SPTAN1: variants seen among roughly 807,000 people sequenced by gnomAD.
SPTAN1 encodes spectrin alpha chain, non-erythrocytic 1.
A neutral mutation model predicts 331.3 loss-of-function variants in SPTAN1; 61 were observed. The ratio of observed to expected loss-of-function variants is 0.18; its 90% CI spans 0.15 to 0.23. SPTAN1 has a LOEUF of 0.23. SPTAN1 is among the 10% of genes least tolerant of loss of function. The pLI is 1.00. For missense variants in SPTAN1, 2,043 were observed against 3,147.9 expected (o/e 0.65, Z 8.40); for synonymous variants, 1,153 against 1,173.9 (o/e 0.98, Z 0.36).
At chr9:128,564,993 G>A (rs1212266973) in intron 1 of SPTAN1, among the ~76,000 whole-genome samples, 1 of 152,136 alleles carries the variant, frequency 6.6e-6, no homozygotes, top group African/African-American at 2.4e-5. Context: ...TCAAGAGGTG[G>A]GTTCTTTCTT....
Position 128,582,519 on chromosome 9 carries a change from A to G in SPTAN1, c.1613A>G (p.His538Arg). ...EFATKLIQNN[H>R]YAMEDVATRR... The stretch of plus-strand genomic sequence containing the variant: ...GCAACCAAGCTAATTCAGAACAACC[A>G]CTATGCAATGGAAGATGTGGCCACT... The change falls in exon 13 of 57, where the codon CAC becomes CGC. Residue 538 changes from histidine (H) to arginine (R), a missense_variant. Physicochemically the swap from His to Arg is conservative, Grantham distance 29. Transcript: ENST00000372739. 6.2e-7 allele frequency: 1 copy of G among 1,614,134 alleles called. No individual in the cohort carries two copies. Among genetic ancestry groups the G allele is most frequent in the Non-Finnish European group, 8.5e-7 (1 of 1,180,036 alleles).
At chr9:128,563,024 A>G (rs1255610613) in intron 1 of SPTAN1, among the ~76,000 whole-genome samples, 120 of 140,594 alleles carry the variant, frequency 8.5e-4, no homozygotes, top group Non-Finnish European at 1.2e-3. Context: ...ATATATATAT[A>G]TATGTATATA....
intron 24 of SPTAN1, among the ~76,000 whole-genome samples, chr9:128,595,033 C>G (rs1854079029): frequency 6.6e-6 from 1 of 151,826 alleles, no homozygotes; most frequent in Non-Finnish European, 1.5e-5. Context: ...TGGTCTCAAA[C>G]TGCTGACCTC....
At chr9:128,618,524 C>A (rs1397930573) in intron 43 of SPTAN1, among the ~76,000 whole-genome samples, 1 of 151,966 alleles carries the variant, frequency 6.6e-6, no homozygotes, top group African/African-American at 2.4e-5. Context: ...CTTGCTGTCA[C>A]CCAGGCTGGA....
chr9:128,574,869 A>T, intron 4 of SPTAN1, 54 bp downstream of exon 4: 2 of 1,612,684 alleles, frequency 1.2e-6, no homozygotes. Flanking sequence ...AAGGGAAGAG[A>T]CTCCTCTGTG....
intron 39 of SPTAN1, 91 bp from the exon 40 acceptor site, chr9:128,613,290 G>A: frequency 1.0e-6 from 1 of 988,114 alleles, no homozygotes; most frequent in Non-Finnish European, 1.6e-6. Context: ...TCCAAGCAAG[G>A]CCCTGGAATA....
Position 128,633,578 on chromosome 9 carries a change from G to A in SPTAN1, c.*244G>A. On this transcript the variant is annotated 3_prime_UTR_variant, in exon 57 of 57. Coordinates refer to ENST00000372739, the MANE Select transcript of SPTAN1 (RefSeq NM_001130438.3). ...ATTCCGACTTCAGAAAATCGAAGCAGCTGGCTCCTCCCCTTGTTCTCTCTC... is the reference window on the plus strand; with the variant it reads ...ATTCCGACTTCAGAAAATCGAAGCAACTGGCTCCTCCCCTTGTTCTCTCTC... The A allele has an allele frequency of 9.3e-7, 1 of 1,080,510 alleles. No homozygotes were observed. The highest frequency in any genetic ancestry group is 1.3e-6 in the Non-Finnish European group (1 of 741,716). The allele number at this position is 1,080,510 out of a possible 1,614,324, so 66.9% of individuals were successfully genotyped here.
chr9:128,591,983 G>T (rs1853601527), intron 22 of SPTAN1, among the ~76,000 whole-genome samples: 1 of 152,150 alleles, frequency 6.6e-6, no homozygotes, highest in African/African-American at 2.4e-5. Flanking sequence ...TTCTCTGTCT[G>T]CCATAGCTTT....
At position 128,633,445 on chromosome 9, in the gene SPTAN1, G is replaced by A; in HGVS notation, c.*111G>A. The stretch of plus-strand genomic sequence containing the variant: ...CTGTAACCTTAAGCCTGCTTAGCTT[G>A]GAATAAGACTTAGGAGAAAATGGTG... On this transcript the variant is annotated 3_prime_UTR_variant, in exon 57 of 57. Transcript: ENST00000372739. 10 of 1,562,410 alleles carry A rather than the reference G, an allele frequency of 6.4e-6. No individual in the cohort carries two copies. The highest frequency in any genetic ancestry group is 1.9e-4 in the Middle Eastern group (1 of 5,388).
intron 31 of SPTAN1, 85 bp downstream of exon 31, chr9:128,605,562 A>G: frequency 6.5e-7 from 1 of 1,534,772 alleles, no homozygotes; most frequent in Non-Finnish European, 8.9e-7. Flanking sequence ...GTACATGCTC[A>G]GCAGGGTACA....
At position 128,627,201 on chromosome 9, in the gene SPTAN1, G is replaced by T; in HGVS notation, c.6577-185G>T. 1 of 654,312 alleles carries T rather than the reference G, an allele frequency of 1.5e-6. No homozygotes were observed. The highest frequency in any genetic ancestry group is 2.8e-6 in the Non-Finnish European group (1 of 361,134). The allele number at this position is 654,312 out of a possible 1,614,324, so 40.5% of individuals were successfully genotyped here. The stretch of plus-strand genomic sequence containing the variant: ...GTCCGCCTCTTCCTTGAAGCCCCTG[G>T]GGGGTGGGAACAGAGAAAGAACTAC... On this transcript the variant is annotated intron_variant, in intron 49 of 56. Transcript: ENST00000372739. The surrounding 1 kb of genome is among the most constrained non-coding windows in gnomAD (Gnocchi z 4.9).
At chr9:128,631,596 C>T in intron 52 of SPTAN1, 1 of 162,922 alleles carries the variant, frequency 6.1e-6, no homozygotes, top group East Asian at 1.8e-4. Flanking sequence ...GAGGCCAAGA[C>T]AGGCAGATCA....
At chr9:128,620,475 G>A (rs927466904) in intron 44 of SPTAN1, among the ~76,000 whole-genome samples, 4 of 152,204 alleles carry the variant, frequency 2.6e-5, no homozygotes, top group African/African-American at 9.6e-5. Context: ...CCAGCACTTT[G>A]GGAGGCCAAG....
chr9:128,559,858 C>T (rs1209221380), intron 1 of SPTAN1, among the ~76,000 whole-genome samples: 2 of 151,492 alleles, frequency 1.3e-5, no homozygotes, highest in Non-Finnish European at 2.9e-5. Context: ...TCTCAGCCTC[C>T]CAGGTAGCTG....
In SPTAN1 at chr9:128,612,150, G is replaced by T; in HGVS notation, c.4947G>T (p.Val1649=). 1 of 1,614,142 alleles carries T rather than the reference G, an allele frequency of 6.2e-7. No individual in the cohort carries two copies. Among genetic ancestry groups the T allele is most frequent in the Non-Finnish European group, 8.5e-7 (1 of 1,180,046 alleles). The change falls in exon 39 of 57, where the codon GTG becomes GTT. Residue 1649 remains valine, a synonymous_variant. Transcript: ENST00000372739. Reference sequence around the variant, plus strand: ...TAGCTGACCAGTGGCAGTTCTTGGTGCAAAAGTCAGCGGAAAAGAGCCAGA... The same window carrying T: ...TAGCTGACCAGTGGCAGTTCTTGGTTCAAAAGTCAGCGGAAAAGAGCCAGA... ...AALADQWQFL[V]QKSAEKSQKL... is the part of the protein sequence containing the mutation.
chr9:128,628,170 C>T (rs1859084311), intron 51 of SPTAN1: 2 of 706,100 alleles, frequency 2.8e-6, no homozygotes, highest in Admixed American at 4.0e-5. Context: ...CCGTCCTTGC[C>T]TCACTGGGCG....
intron 40 of SPTAN1, 126 bp from the exon 41 acceptor site, chr9:128,615,506 G>T (rs1001284790): frequency 2.2e-6 from 2 of 894,854 alleles, no homozygotes; most frequent in South Asian, 1.4e-5. Context: ...GAATGCCAGA[G>T]GTCCACATAA....
chr9:128,593,966 A>G, intron 23 of SPTAN1: 1 of 608,086 alleles, frequency 1.6e-6, no homozygotes. Flanking sequence ...CTGGTTGTGA[A>G]CAGTACAGTG....
chr9:128,616,032 G>T (rs1357476899), intron 41 of SPTAN1, among the ~76,000 whole-genome samples, 192 bp downstream of exon 41: 1 of 152,132 alleles, frequency 6.6e-6, no homozygotes, highest in African/African-American at 2.4e-5. Context: ...CGGTGGTGGT[G>T]ATCCATGCTG....
Sources: gnomAD v4.1 joint callset for allele counts (sites outside exome capture counted in the v4.1 genomes callset) on GRCh38, gnomAD v4.1.1 for gene constraint, Gnocchi (gnomAD v3.1) non-coding constraint, MANE v1.5 for transcripts, NCBI Gene and HGNC (gene_info 2026-07-23, HGNC 2026-07-21) for gene names.